Variants in NDUFA10 observed in about 807,000 individuals in gnomAD.
NDUFA10 encodes NADH dehydrogenase [ubiquinone] 1 alpha subcomplex subunit 10, mitochondrial.
In NDUFA10, 40 loss-of-function variants were observed where a neutral mutation model predicts 47.8. The ratio of observed to expected loss-of-function variants is 0.84; its 90% CI spans 0.65 to 1.09. The LOEUF is 1.09. Among genes scored for constraint, NDUFA10 ranks in the 50% least tolerant of loss-of-function variants. The probability of loss-of-function intolerance (pLI) is 0.00; values close to 1 mark genes in which losing one functional copy is unlikely to be tolerated. For missense variants in NDUFA10, 413 were observed against 451.1 expected (o/e 0.92, Z 0.76); for synonymous variants, 183 against 172.2 (o/e 1.06, Z -0.49).
In NDUFA10 at chr2:239,928,075, C is replaced by T. The variant is rs1694095144; in HGVS notation, c.295-32761G>A. 6.6e-6 allele frequency among the ~76,000 whole-genome samples: 1 copy of T among 152,148 alleles called. No homozygotes were observed. Among genetic ancestry groups the T allele is most frequent in the Non-Finnish European group, 1.5e-5 (1 of 68,022 alleles). On this transcript the variant is annotated intron_variant, in intron 4 of 5. Transcript: ENST00000419408. The surrounding 1 kb of genome is among the most constrained non-coding windows in gnomAD (Gnocchi z 4.3). Reference sequence around the variant, plus strand: ...AGAGCGACTGAAGTCAAGAAGGGCCCTCCCATCCCACATGGGAAAACAGCA... The same window carrying T: ...AGAGCGACTGAAGTCAAGAAGGGCCTTCCCATCCCACATGGGAAAACAGCA...
intron 6 of NDUFA10, among the ~76,000 whole-genome samples, chr2:240,011,147 G>A (rs1392900253): frequency 6.6e-6 from 1 of 152,204 alleles, no homozygotes; most frequent in Non-Finnish European, 1.5e-5. Flanking sequence ...AAGAAAAACA[G>A]TCTGGTGGTG....
At chr2:239,989,868 C>G (rs1478488420) in intron 9 of NDUFA10, among the ~76,000 whole-genome samples, 1 of 152,240 alleles carries the variant, frequency 6.6e-6, no homozygotes, top group Admixed American at 6.5e-5. Flanking sequence ...CATCTCTGCT[C>G]TGGGGCTGTC....
At chr2:240,017,906 C>G (rs949704943) in intron 4 of NDUFA10, 4 of 1,562,414 alleles carry the variant, frequency 2.6e-6, no homozygotes, top group Middle Eastern at 1.7e-4. Context: ...CCACCCCAGT[C>G]TACAGATGAA....
intron 4 of NDUFA10, among the ~76,000 whole-genome samples, chr2:239,912,865 C>G (rs1693779318): frequency 6.6e-6 from 1 of 152,232 alleles, no homozygotes; most frequent in Admixed American, 6.5e-5. Context: ...CACGTGCTGC[C>G]TCAACTCCAG....
At chr2:239,937,996 C>T (rs571283116) in intron 4 of NDUFA10, among the ~76,000 whole-genome samples, 20 of 152,258 alleles carry the variant, frequency 1.3e-4, no homozygotes, top group Non-Finnish European at 2.4e-4. Flanking sequence ...GGAGAGCAGC[C>T]GCAAATACTC....
intron 6 of NDUFA10, among the ~76,000 whole-genome samples, chr2:240,010,664 A>G (rs1176040443): frequency 1.3e-5 from 2 of 152,048 alleles, no homozygotes; most frequent in East Asian, 1.9e-4. Flanking sequence ...AAACAAGCAG[A>G]GATGACATAA....
intron 4 of NDUFA10, among the ~76,000 whole-genome samples, chr2:239,920,339 C>T (rs1559282304): frequency 6.6e-6 from 1 of 152,182 alleles, no homozygotes; most frequent in Non-Finnish European, 1.5e-5. Flanking sequence ...TGTACAGCAG[C>T]CCAGACTGAC....
intron 4 of NDUFA10, among the ~76,000 whole-genome samples, chr2:239,898,641 C>T (rs989847251): frequency 6.6e-6 from 1 of 152,216 alleles, no homozygotes; most frequent in Non-Finnish European, 1.5e-5. Context: ...CACTGGTGAG[C>T]ATGTGGACAT....
chr2:239,935,091 A>G (rs886596723), intron 4 of NDUFA10, among the ~76,000 whole-genome samples: 8 of 152,220 alleles, frequency 5.3e-5, no homozygotes, highest in Admixed American at 2.0e-4. Flanking sequence ...CTGGTCCGAA[A>G]TAGCACCTGC....
chr2:239,963,858 C>T (rs919573102), intron 9 of NDUFA10, among the ~76,000 whole-genome samples: 6 of 152,248 alleles, frequency 3.9e-5, no homozygotes, highest in East Asian at 3.9e-4. Context: ...AGGAGTGAGG[C>T]ACACAGGCCA....
At chr2:239,931,475 G>C (rs1010512214) in intron 4 of NDUFA10, among the ~76,000 whole-genome samples, 29 of 152,242 alleles carry the variant, frequency 1.9e-4, no homozygotes, top group Non-Finnish European at 3.7e-4. Flanking sequence ...CAAGTCCCAG[G>C]TGGACACGTT....
At chr2:240,004,364 A>G (rs1455097484) in intron 8 of NDUFA10, among the ~76,000 whole-genome samples, 1 of 152,078 alleles carries the variant, frequency 6.6e-6, no homozygotes, top group Non-Finnish European at 1.5e-5. Context: ...CATTTAATAG[A>G]TACCAAAGAA....
At chr2:239,983,369 G>A (rs1223370814) in intron 9 of NDUFA10, 1 of 1,310,288 alleles carries the variant, frequency 7.6e-7, no homozygotes, top group Non-Finnish European at 1.0e-6. Flanking sequence ...AACTGCTGCT[G>A]ATGTCTCTGA....
At chr2:239,941,095 A>C (rs1694353173) in intron 4 of NDUFA10, among the ~76,000 whole-genome samples, 2 of 152,338 alleles carry the variant, frequency 1.3e-5, no homozygotes, top group South Asian at 4.1e-4. Context: ...AGAAACAGGC[A>C]AGCCAGATGC....
intron 8 of NDUFA10, among the ~76,000 whole-genome samples, chr2:240,002,324 C>A (rs1696754354): frequency 1.0e-5 from 1 of 98,774 alleles, no homozygotes; most frequent in Non-Finnish European, 1.9e-5. Flanking sequence ...GAGCAAAACT[C>A]TGACTCAAAA....
intron 4 of NDUFA10, among the ~76,000 whole-genome samples, chr2:239,930,052 C>T (rs28460071): frequency 4.0e-4 from 30 of 74,858 alleles, no homozygotes; most frequent in African/African-American, 1.7e-3. Context: ...CCTGCTCCTC[C>T]GCTGCCCCTG....
At chr2:239,963,946 G>C (rs1465863303) in intron 9 of NDUFA10, among the ~76,000 whole-genome samples, 1 of 152,190 alleles carries the variant, frequency 6.6e-6, no homozygotes, top group African/African-American at 2.4e-5. Flanking sequence ...AGCTCTGCAC[G>C]AAGACAGGAG....
rs73105353 is a variant in NDUFA10, at chr2:239,964,541, A to T, written c.1000-3355T>A. Among the ~76,000 whole-genome samples the T allele has an allele frequency of 9.9e-3, 1,514 of 152,196 alleles. 23 individuals carry two copies. Among genetic ancestry groups the T allele is most frequent in the African/African-American group, 0.035 (1,440 of 41,520 alleles). ...TCCTGCCGGGTGTCTGCTTTTTATG[A>T]TGGGAGATACCGGGTCACATCTGTA... On this transcript the variant is annotated intron_variant, in intron 9 of 9. Transcript: ENST00000252711.
At chr2:239,913,644 C>T (rs766481098) in intron 4 of NDUFA10, among the ~76,000 whole-genome samples, 12 of 152,372 alleles carry the variant, frequency 7.9e-5, no homozygotes, top group Non-Finnish European at 1.5e-4. Context: ...GTCAGGCTCA[C>T]GTCTGTGCAG....
Sources: gnomAD v4.1 joint callset for allele counts (sites outside exome capture counted in the v4.1 genomes callset) on GRCh38, gnomAD v4.1.1 for gene constraint, Gnocchi (gnomAD v3.1) non-coding constraint, MANE v1.5 for transcripts, NCBI Gene and HGNC (gene_info 2026-07-23, HGNC 2026-07-21) for gene names.